Variants in STK3 observed in about 807,000 individuals in gnomAD.
STK3 encodes serine/threonine kinase 3, also known as serine/threonine-protein kinase 3.
In STK3, 41 loss-of-function variants were observed where a neutral mutation model predicts 58.0. The observed-to-expected ratio is 0.71, with a 90% confidence interval of 0.55 to 0.92. STK3 has a LOEUF of 0.92. Among genes scored for constraint, STK3 ranks in the 40% least tolerant of loss-of-function variants. The pLI, the probability that STK3 is intolerant of heterozygous loss-of-function variation, is 0.00. For missense variants in STK3, 479 were observed against 602.7 expected (o/e 0.79, Z 2.15); for synonymous variants, 170 against 191.0 (o/e 0.89, Z 0.91).
At chr8:98,474,261 C>T (rs1176547913) in intron 10 of STK3, among the ~76,000 whole-genome samples, 2 of 152,120 alleles carry the variant, frequency 1.3e-5, no homozygotes, top group East Asian at 3.9e-4. Context: ...TATCTTTGCT[C>T]CCCTCCAATT....
At chr8:98,841,793 A>T (rs757750990) in intron 3 of STK3, among the ~76,000 whole-genome samples, 3 of 151,994 alleles carry the variant, frequency 2.0e-5, no homozygotes, top group African/African-American at 4.8e-5. Flanking sequence ...GTAATAAAAA[A>T]TACAAGGTTG....
intron 6 of STK3, among the ~76,000 whole-genome samples, chr8:98,698,273 G>C (rs1454229078): frequency 1.3e-5 from 2 of 151,294 alleles, no homozygotes; most frequent in Non-Finnish European, 2.9e-5. Context: ...ACGTGAGATG[G>C]GTTTCCTGAA....
chr8:98,829,206 C>T (rs1167694618), upstream of STK3, among the ~76,000 whole-genome samples: 1 of 152,174 alleles, frequency 6.6e-6, no homozygotes. Flanking sequence ...CTTTGCAAGG[C>T]AAACTACTCT....
Position 98,738,276 on chromosome 8 carries a change from C to A in STK3, c.351+11000G>T, listed in dbSNP as rs925382432. 2.0e-5 allele frequency among the ~76,000 whole-genome samples: 3 copies of A among 151,920 alleles called. No homozygotes were observed. The South Asian group carries it at 6.2e-4, about 32-fold the overall frequency. On this transcript the variant is annotated intron_variant, in intron 4 of 10. Coordinates refer to ENST00000419617, the MANE Select transcript of STK3 (RefSeq NM_006281.4). ...TCACCCCACGTCAGGAGTTCCAGAC[C>A]AGCCTGGCCAACGTGGCGAAACCCT...
At chr8:98,360,525 T>G in the STK3 span, among the ~76,000 whole-genome samples, 1 of 152,072 alleles carries the variant, frequency 6.6e-6, no homozygotes. Flanking sequence ...CTTTTTTTTT[T>G]TTTCATTAAT....
At chr8:98,664,524 C>A (rs564544079) in intron 6 of STK3, among the ~76,000 whole-genome samples, 1 of 152,280 alleles carries the variant, frequency 6.6e-6, no homozygotes, top group South Asian at 2.1e-4. Context: ...AAATATTCTA[C>A]GTTTTAAGCA....
chr8:98,631,635 C>T (rs993319947), intron 6 of STK3, among the ~76,000 whole-genome samples: 2 of 151,828 alleles, frequency 1.3e-5, no homozygotes, highest in Non-Finnish European at 2.9e-5. Flanking sequence ...TAGCTGTTAT[C>T]AGTACCTGAT....
Position 98,698,763 on chromosome 8 carries a change from G to GC in STK3, c.684+7703_684+7704insG, listed in dbSNP as rs1291942953. Reference sequence around the variant, plus strand: ...TAGTCTGATGGGCTTCCCTTTGTGGGTAACCCGACCTTTCTCTCTGGCTGC... The same window carrying GC: ...TAGTCTGATGGGCTTCCCTTTGTGGGCTAACCCGACCTTTCTCTCTGGCTGC... On this transcript the variant is annotated intron_variant, in intron 6 of 10. Coordinates refer to ENST00000419617, the MANE Select transcript of STK3 (RefSeq NM_006281.4). Among the ~76,000 whole-genome samples the GC allele has an allele frequency of 1.5e-4, 23 of 152,244 alleles. No homozygotes were observed. The East Asian group carries it at 4.0e-3, about 27-fold the overall frequency.
intron 4 of STK3, among the ~76,000 whole-genome samples, chr8:98,737,939 A>T (rs1828755628): frequency 6.6e-6 from 1 of 152,088 alleles, no homozygotes; most frequent in Admixed American, 6.5e-5. Context: ...CAAACTCCTG[A>T]CCTCAGGTGA....
chr8:98,617,946 C>T (rs1056475094), intron 6 of STK3, among the ~76,000 whole-genome samples: 1 of 152,156 alleles, frequency 6.6e-6, no homozygotes, highest in Non-Finnish European at 1.5e-5. Context: ...AGAGGGAATC[C>T]TCCCTAACTC....
intron 9 of STK3, among the ~76,000 whole-genome samples, chr8:98,535,064 T>C (rs1325207048): frequency 6.6e-6 from 1 of 152,166 alleles, no homozygotes; most frequent in Non-Finnish European, 1.5e-5. Flanking sequence ...GTCACACACA[T>C]AAATACATCT....
chr8:98,623,442 G>C (rs1165322489), intron 6 of STK3, among the ~76,000 whole-genome samples: 1 of 152,134 alleles, frequency 6.6e-6, no homozygotes, highest in Non-Finnish European at 1.5e-5. Context: ...AATATGACTT[G>C]TGTCCTTATA....
At chr8:98,723,189 G>C (rs973570476) in intron 4 of STK3, among the ~76,000 whole-genome samples, 14 of 152,072 alleles carry the variant, frequency 9.2e-5, no homozygotes, top group African/African-American at 3.4e-4. Context: ...AAGGGTGGTA[G>C]AGAGATAATA....
At chr8:98,679,482 T>C (rs1168477058) in intron 6 of STK3, among the ~76,000 whole-genome samples, 1 of 152,214 alleles carries the variant, frequency 6.6e-6, no homozygotes, top group African/African-American at 2.4e-5. Context: ...GTTTCCCTGT[T>C]TTATTTTTTC....
chr8:98,705,722 C>G (rs1354741984), intron 6 of STK3, among the ~76,000 whole-genome samples: 1 of 152,106 alleles, frequency 6.6e-6, no homozygotes, highest in African/African-American at 2.4e-5. Flanking sequence ...GAGATAACTA[C>G]AGCCACTAGA....
chr8:98,725,335 T>C (rs1827723027), intron 4 of STK3, among the ~76,000 whole-genome samples: 1 of 152,158 alleles, frequency 6.6e-6, no homozygotes, highest in African/African-American at 2.4e-5. Flanking sequence ...GAAGTAAAAT[T>C]GAAGGGTAGA....
At position 98,843,913 on chromosome 8, in the gene STK3, C is replaced by T. The variant is rs377015440; in HGVS notation, c.110+39734G>A. ...ATGCCTGTAATCCCAGCTACTCCAG[C>T]GCTTTGGGAGGCCGAGTGGGAGTAT... On this transcript the variant is annotated intron_variant, in intron 3 of 12. Transcript: ENST00000523601. Among the ~76,000 whole-genome samples, 38 of 152,284 alleles carry T rather than the reference C, an allele frequency of 2.5e-4. No individual in the cohort carries two copies. The East Asian group carries it at 4.2e-3, about 17-fold the overall frequency.
At chr8:98,724,920 T>A (rs189797837) in intron 4 of STK3, among the ~76,000 whole-genome samples, 17 of 152,318 alleles carry the variant, frequency 1.1e-4, no homozygotes, top group Admixed American at 3.3e-4. Flanking sequence ...TAAAGAATCA[T>A]ATATTGCTTA....
intron 9 of STK3, among the ~76,000 whole-genome samples, chr8:98,536,703 T>C (rs1278734429): frequency 6.6e-6 from 1 of 152,222 alleles, no homozygotes; most frequent in African/African-American, 2.4e-5. Context: ...GGATTTCTCA[T>C]CAAATGAGAA....
Sources: allele counts gnomAD v4.1 joint callset (sites outside exome capture counted in the v4.1 genomes callset), GRCh38; gene constraint gnomAD v4.1.1; transcripts MANE v1.5; gene names NCBI Gene and HGNC (gene_info 2026-07-23, HGNC 2026-07-21).